The following MTUS2 variants were observed in gnomAD, a reference collection of about 807,000 sequenced individuals.
MTUS2 encodes the protein microtubule-associated tumor suppressor candidate 2.
A neutral mutation model predicts 114.1 loss-of-function variants in MTUS2; 40 were observed. The ratio of observed to expected loss-of-function variants is 0.35; its 90% confidence interval spans 0.27 to 0.46. The LOEUF is 0.46. MTUS2 is among the 20% of genes least tolerant of loss of function. The pLI is 1.00. For missense variants in MTUS2, 1,679 were observed against 1,705.4 expected, an observed-to-expected ratio of 0.98 and a Z score of 0.27; for synonymous variants, 688 against 672.0, an observed-to-expected ratio of 1.02 and a Z score of -0.37.
intron 8 of MTUS2, among the ~76,000 whole-genome samples, chr13:29,379,368 A>AG (rs1872020618): frequency 6.6e-6 from 1 of 152,128 alleles, no homozygotes; most frequent in African/African-American, 2.4e-5. Context: ...TCATGCCTGG[A>AG]GAAGGGGCTG....
At chr13:28,826,221 G>T (rs1320291077) in intron 1 of MTUS2, among the ~76,000 whole-genome samples, 1 of 152,082 alleles carries the variant, frequency 6.6e-6, no homozygotes, top group African/African-American at 2.4e-5. Flanking sequence ...TTTCCAGATA[G>T]ATGGTCATAT....
chr13:29,432,959 G>A (rs1456191352), intron 8 of MTUS2, among the ~76,000 whole-genome samples: 1 of 152,164 alleles, frequency 6.6e-6, no homozygotes, highest in Non-Finnish European at 1.5e-5. Flanking sequence ...GGTTATTAGA[G>A]GAAGATAGAA....
chr13:28,941,470 TAAA>T (rs1258940693), intron 2 of MTUS2, among the ~76,000 whole-genome samples: 4 of 152,110 alleles, frequency 2.6e-5, no homozygotes, highest in African/African-American at 9.6e-5. Context: ...AACAAAAACT[TAAA>T]AATATCTTTT....
chr13:29,479,771 G>A (rs932809098), intron 9 of MTUS2, among the ~76,000 whole-genome samples: 2 of 152,176 alleles, frequency 1.3e-5, no homozygotes, highest in African/African-American at 4.8e-5. Context: ...TTCACCCAGG[G>A]CGTATTTCAG....
At chr13:28,928,009 T>C (rs1317517854) in intron 2 of MTUS2, among the ~76,000 whole-genome samples, 2 of 151,542 alleles carry the variant, frequency 1.3e-5, no homozygotes, top group Non-Finnish European at 2.9e-5. Flanking sequence ...GAACACACAA[T>C]AGGGAAATAA....
intron 7 of MTUS2, among the ~76,000 whole-genome samples, chr13:29,338,416 G>A (rs1417887770): frequency 7.0e-6 from 1 of 142,206 alleles, no homozygotes; most frequent in Admixed American, 7.6e-5. Flanking sequence ...GTGAAACCCA[G>A]TCTCTATTAA....
At chr13:29,327,162 A>T (rs1429600738) in intron 7 of MTUS2, among the ~76,000 whole-genome samples, 4 of 152,066 alleles carry the variant, frequency 2.6e-5, no homozygotes, top group Non-Finnish European at 4.4e-5. Context: ...AAGGATGGAA[A>T]ATTAATATTT....
intron 11 of MTUS2, among the ~76,000 whole-genome samples, chr13:29,492,283 GGTGT>G (rs1042327650): frequency 4.7e-5 from 7 of 150,096 alleles, no homozygotes; most frequent in African/African-American, 1.5e-4. Context: ...TGTGGCATGT[GGTGT>G]GTATGTGATG....
At chr13:29,129,371 A>G (rs1336920183) in intron 5 of MTUS2, among the ~76,000 whole-genome samples, 1 of 152,146 alleles carries the variant, frequency 6.6e-6, no homozygotes, top group African/African-American at 2.4e-5. Flanking sequence ...ATTTGGGCTC[A>G]TGATGGCAAC....
chr13:29,423,227 T>C (rs1876250936), intron 8 of MTUS2, among the ~76,000 whole-genome samples: 1 of 152,220 alleles, frequency 6.6e-6, no homozygotes, highest in African/African-American at 2.4e-5. Flanking sequence ...CATGCTGATT[T>C]ATTCAGTGAT....
chr13:28,900,302 G>A (rs3001948), intron 2 of MTUS2, among the ~76,000 whole-genome samples: 19,387 of 152,200 alleles, frequency 0.13, 1,490 homozygotes, highest in African/African-American at 0.2. Context: ...GTAGCTGTGT[G>A]TGTGTGTGTA....
intron 2 of MTUS2, among the ~76,000 whole-genome samples, chr13:28,892,985 G>C (rs1280253772): frequency 2.0e-5 from 3 of 152,176 alleles, no homozygotes. Context: ...GGGGTGGTAG[G>C]CATTCATTGG....
chr13:28,995,893 TCTC>T (rs1300106939), intron 2 of MTUS2, among the ~76,000 whole-genome samples: 2 of 152,138 alleles, frequency 1.3e-5, no homozygotes, highest in African/African-American at 4.8e-5. Context: ...TTTATTTCCT[TCTC>T]CTGCCTGATT....
intron 7 of MTUS2, among the ~76,000 whole-genome samples, chr13:29,357,862 G>A (rs1566151261): frequency 6.6e-6 from 1 of 152,188 alleles, no homozygotes; most frequent in Non-Finnish European, 1.5e-5. Context: ...ATTAAAATTA[G>A]CATGGTTACC....
chr13:28,879,523 A>G (rs770366260), intron 2 of MTUS2, among the ~76,000 whole-genome samples: 1 of 152,060 alleles, frequency 6.6e-6, no homozygotes, highest in Non-Finnish European at 1.5e-5. Context: ...CTGACCTATT[A>G]TTTTGTGAGC....
At chr13:29,322,324 G>T (rs1900287218) in intron 6 of MTUS2, among the ~76,000 whole-genome samples, 1 of 152,136 alleles carries the variant, frequency 6.6e-6, no homozygotes, top group Admixed American at 6.5e-5. Flanking sequence ...CCAAGTGAAG[G>T]AAAAGAATGG....
At chr13:28,964,150 A>G (rs954759175) in intron 2 of MTUS2, among the ~76,000 whole-genome samples, 8 of 152,206 alleles carry the variant, frequency 5.3e-5, no homozygotes, top group Non-Finnish European at 1.0e-4. Context: ...CTCAGAATTA[A>G]CATTGCCAAA....
intron 5 of MTUS2, among the ~76,000 whole-genome samples, chr13:29,229,355 C>A (rs2139353522): frequency 6.6e-6 from 1 of 152,302 alleles, no homozygotes; most frequent in African/African-American, 2.4e-5. Flanking sequence ...TTACTTGGAA[C>A]AGTCTGTCTT....
intron 2 of MTUS2, among the ~76,000 whole-genome samples, chr13:28,872,276 A>G (rs1877662938): frequency 6.6e-6 from 1 of 152,130 alleles, no homozygotes. Context: ...TGTAAGGGAA[A>G]GAGAGGAATT....
Sources: allele counts gnomAD v4.1 joint callset (sites outside exome capture counted in the v4.1 genomes callset), GRCh38; gene constraint gnomAD v4.1.1; transcripts MANE v1.5; gene names NCBI Gene and HGNC (gene_info 2026-07-23, HGNC 2026-07-21).